Variants in PTPRG observed in about 807,000 individuals in gnomAD.
PTPRG encodes the protein receptor-type tyrosine-protein phosphatase gamma.
A neutral mutation model predicts 165.3 loss-of-function variants in PTPRG; 102 were observed. The observed-to-expected ratio is 0.62, with a 90% CI of 0.53 to 0.73. The LOEUF is 0.73. PTPRG is among the 30% of genes least tolerant of loss of function. The pLI, the probability that PTPRG is intolerant of heterozygous loss-of-function variation, is 0.00. For synonymous variants in PTPRG, 675 were observed against 669.5 expected (o/e 1.01, Z -0.13); for missense variants, 1,866 against 1,861.4 (o/e 1.00, Z -0.05).
At chr3:61,902,975 C>G (rs1242213585) in intron 2 of PTPRG, among the ~76,000 whole-genome samples, 1 of 152,142 alleles carries the variant, frequency 6.6e-6, no homozygotes, top group Non-Finnish European at 1.5e-5. Context: ...TTTACTTGGC[C>G]TTGTCTTTGG....
At position 62,265,688 on chromosome 3, in the gene PTPRG, G is replaced by GTCTT. The variant is rs1360098008; in HGVS notation, c.2657-1720_2657-1717dup. Among the ~76,000 whole-genome samples the GTCTT allele has an allele frequency of 2.6e-5, 4 of 152,206 alleles. No individual in the cohort carries two copies. In the East Asian group the frequency reaches 5.8e-4, roughly 22 times the overall value. On this transcript the variant is annotated intron_variant, in intron 17 of 29. Coordinates refer to ENST00000474889, the MANE Select transcript of PTPRG (RefSeq NM_002841.4). Reference sequence around the variant, plus strand: ...AGGAAGAAAGTCAAACCTCTCCCTAGTCTTTGGATTGACTTTGGCAGTATT... The same window carrying GTCTT: ...AGGAAGAAAGTCAAACCTCTCCCTAGTCTTTCTTTGGATTGACTTTGGCAGTATT...
At chr3:62,066,371 C>T (rs1195699955) in intron 4 of PTPRG, among the ~76,000 whole-genome samples, 1 of 152,154 alleles carries the variant, frequency 6.6e-6, no homozygotes, top group African/African-American at 2.4e-5. Flanking sequence ...CTGAGTGTTG[C>T]AGTCTATGTT....
rs1701068664 is a variant in PTPRG at position 62,237,918 on chromosome 3, G to A, written c.2376-5889G>A. Among the ~76,000 whole-genome samples the A allele has an allele frequency of 6.6e-6, 1 of 152,148 alleles. No homozygotes were observed. Among genetic ancestry groups the A allele is most frequent in the Admixed American group, 6.6e-5 (1 of 15,264 alleles). On this transcript the variant is annotated intron_variant, in intron 14 of 29. Coordinates refer to ENST00000474889, the MANE Select transcript of PTPRG (RefSeq NM_002841.4). The surrounding 1 kb of genome is among the most constrained non-coding windows in gnomAD (Gnocchi z 4.5). ...TTAGAAATCTTTTGAAGATATATGA[G>A]CCCGTGTTTGGTTTTCTAAAAAGGG...
At chr3:61,712,445 G>A (rs565388089) in intron 1 of PTPRG, among the ~76,000 whole-genome samples, 44 of 152,074 alleles carry the variant, frequency 2.9e-4, no homozygotes, top group Non-Finnish European at 5.6e-4. Flanking sequence ...ATCTCATCTG[G>A]AATATAATTC....
rs574270166 is a variant in PTPRG at position 61,564,929 on chromosome 3, C to A, written c.85+2557C>A. ...CTGGGGGCTGGAGTTAGCCTTGGGA[C>A]CCCTACTTCTTGCCTGCTATGACCT... On this transcript the variant is annotated intron_variant, in intron 1 of 29. Transcript: ENST00000474889. Among the ~76,000 whole-genome samples, 9 of 152,338 alleles carry A rather than the reference C, an allele frequency of 5.9e-5. No individual in the cohort carries two copies. The South Asian group carries it at 1.9e-3, about 32-fold the overall frequency.
chr3:61,743,448 C>G (rs762536168), intron 1 of PTPRG, among the ~76,000 whole-genome samples: 4 of 152,152 alleles, frequency 2.6e-5, no homozygotes, highest in Non-Finnish European at 5.9e-5. Flanking sequence ...CATTATTACA[C>G]TATTCAGACT....
At chr3:62,043,327 A>C (rs1228154347) in intron 4 of PTPRG, among the ~76,000 whole-genome samples, 1 of 152,238 alleles carries the variant, frequency 6.6e-6, no homozygotes, top group Non-Finnish European at 1.5e-5. Context: ...CCAGCTGCAC[A>C]CATCAAGACT....
rs184594625 is a variant in PTPRG at position 61,746,033 on chromosome 3, T to A, written c.86-2845T>A. The stretch of plus-strand genomic sequence containing the variant: ...TTTATTTTAGTTATTTTATTAAACT[T>A]TCTTTCTTTTTCTTTTCTTTTTTTT... On this transcript the variant is annotated intron_variant, in intron 1 of 29. Coordinates refer to ENST00000474889, the MANE Select transcript of PTPRG (RefSeq NM_002841.4). 9.6e-4 allele frequency among the ~76,000 whole-genome samples: 127 copies of A among 131,618 alleles called. 3 individuals carry two copies. The East Asian group carries it at 0.025, about 26-fold the overall frequency. The allele number at this position is 131,618 out of a possible 152,430, so 86.3% of individuals were successfully genotyped here. A position where few individuals can be genotyped will look rare whatever the true frequency, so the allele number is the denominator to read the frequency against.
Position 62,273,155 on chromosome 3 carries a change from A to G in PTPRG, c.3318+74A>G. The G allele has an allele frequency of 6.8e-7, 1 of 1,463,390 alleles. No individual in the cohort carries two copies. The highest frequency in any genetic ancestry group is 9.2e-7 in the Non-Finnish European group (1 of 1,090,266). The allele number at this position is 1,463,390 out of a possible 1,614,324, so 90.7% of individuals were successfully genotyped here. A position where few individuals can be genotyped will look rare whatever the true frequency, so the allele number is the denominator to read the frequency against. On this transcript the variant is annotated intron_variant, in intron 22 of 29. Coordinates refer to ENST00000474889, the MANE Select transcript of PTPRG (RefSeq NM_002841.4). The surrounding 1 kb of genome is among the most constrained non-coding windows in gnomAD (Gnocchi z 4.1). Reference sequence around the variant, plus strand: ...ACTGAAATTTGTTAAATGATAATGAAGAGACAGATTCATTCTTTTAGGGCT... The same window carrying G: ...ACTGAAATTTGTTAAATGATAATGAGGAGACAGATTCATTCTTTTAGGGCT...
At chr3:61,952,479 G>A (rs779358960) in intron 2 of PTPRG, among the ~76,000 whole-genome samples, 2 of 152,148 alleles carry the variant, frequency 1.3e-5, no homozygotes, top group East Asian at 1.9e-4. Flanking sequence ...CTCTGTACAC[G>A]GTCTCCCCAG....
intron 8 of PTPRG, among the ~76,000 whole-genome samples, chr3:62,178,685 A>G (rs1382179010): frequency 6.6e-6 from 1 of 152,180 alleles, no homozygotes; most frequent in Non-Finnish European, 1.5e-5. Flanking sequence ...GTTTGAGCTG[A>G]TACTGGTAGC....
intron 14 of PTPRG, among the ~76,000 whole-genome samples, chr3:62,242,335 C>T (rs879350988): frequency 1.3e-5 from 2 of 152,220 alleles, no homozygotes; most frequent in Non-Finnish European, 1.5e-5. Context: ...AAAAAAAACA[C>T]GCTCATTTTT....
intron 1 of PTPRG, among the ~76,000 whole-genome samples, chr3:61,571,309 C>T (rs1409930379): frequency 6.6e-6 from 1 of 152,112 alleles, no homozygotes; most frequent in Non-Finnish European, 1.5e-5. Context: ...AATCATTGCT[C>T]AGGATTTTTT....
Position 61,735,824 on chromosome 3 carries a change from C to T in PTPRG, c.86-13054C>T, listed in dbSNP as rs533504170. Among the ~76,000 whole-genome samples, 24 of 152,108 alleles carry T rather than the reference C, an allele frequency of 1.6e-4. No homozygotes were observed. In the South Asian group the frequency reaches 3.5e-3, roughly 22 times the overall value. ...AGCCTTTACTTAGATGTGCTCACAC[C>T]GACTTACGGAAAAGTTCTTTTTAGA... On this transcript the variant is annotated intron_variant, in intron 1 of 29. Transcript: ENST00000474889.
intron 20 of PTPRG, among the ~76,000 whole-genome samples, chr3:62,269,768 A>G (rs976604502): frequency 7.9e-5 from 12 of 152,090 alleles, no homozygotes; most frequent in African/African-American, 2.7e-4. Context: ...TTCAAAATCC[A>G]CTGTCACAAC....
At chr3:62,053,571 T>C (rs1417077295) in intron 4 of PTPRG, among the ~76,000 whole-genome samples, 1 of 152,116 alleles carries the variant, frequency 6.6e-6, no homozygotes, top group African/African-American at 2.4e-5. Context: ...CTGGCCTTCC[T>C]TTTAATAAAT....
At chr3:61,644,163 TG>T (rs1322529711) in intron 1 of PTPRG, among the ~76,000 whole-genome samples, 1 of 152,228 alleles carries the variant, frequency 6.6e-6, no homozygotes, top group Non-Finnish European at 1.5e-5. Context: ...TCACCTACTG[TG>T]TCAGGCCTCT....
chr3:62,219,064 C>T lies in PTPRG; in HGVS notation c.2288+81C>T. ...TGCTCACGGGAGGGGAATCCCACGG[C>T]CTCTGCATTCAGGAAGGTGAGGTAG... is the stretch of plus-strand genomic sequence containing the variant. On this transcript the variant is annotated intron_variant, in intron 13 of 29. Coordinates refer to ENST00000474889, the MANE Select transcript of PTPRG (RefSeq NM_002841.4). The surrounding 1 kb of genome is among the most constrained non-coding windows in gnomAD (Gnocchi z 4.5). 6.5e-7 allele frequency: 1 copy of T among 1,530,586 alleles called. No homozygotes were observed. Among genetic ancestry groups the T allele is most frequent in the African/African-American group, 1.4e-5 (1 of 72,454 alleles). 94.8% of individuals were successfully genotyped at this position (1,530,586 alleles called of 1,614,324 possible).
chr3:61,916,786 A>G (rs1404679585), intron 2 of PTPRG, among the ~76,000 whole-genome samples: 1 of 152,226 alleles, frequency 6.6e-6, no homozygotes, highest in Non-Finnish European at 1.5e-5. Flanking sequence ...GTATAGGAAT[A>G]TTAAATAATT....
Sources: gnomAD v4.1 joint callset for allele counts (sites outside exome capture counted in the v4.1 genomes callset) on GRCh38, gnomAD v4.1.1 for gene constraint, Gnocchi (gnomAD v3.1) non-coding constraint, MANE v1.5 for transcripts, NCBI Gene and HGNC (gene_info 2026-07-23, HGNC 2026-07-21) for gene names.